SF3B1: variants seen among roughly 807,000 people sequenced by gnomAD.
SF3B1 encodes the protein pre-mRNA processing 10.
Under a neutral mutation model 153.8 loss-of-function variants are expected in SF3B1, and 12 were observed. That is an observed-to-expected ratio of 0.08 (90% confidence interval 0.05 to 0.13). The LOEUF (loss-of-function observed/expected upper bound fraction) is 0.13, where lower values mean the gene tolerates loss of function less well. SF3B1 is among the 10% of genes least tolerant of loss of function. The pLI, the probability that SF3B1 is intolerant of heterozygous loss-of-function variation, is 1.00. For missense variants in SF3B1, 513 were observed against 1,606.1 expected (o/e 0.32, Z 11.63); for synonymous variants, 498 against 525.2 (o/e 0.95, Z 0.71).
intron 1 of SF3B1, among the ~76,000 whole-genome samples, chr2:197,427,784 G>A (rs1264303009): frequency 6.6e-6 from 1 of 152,190 alleles, no homozygotes; most frequent in East Asian, 1.9e-4. Flanking sequence ...ACTTTGGGAG[G>A]CCGAGGCGGG....
At position 197,423,793 on chromosome 2, in the gene SF3B1, T is replaced by G; in HGVS notation, c.195+15A>C. On this transcript the variant is annotated intron_variant, in intron 2 of 24. Coordinates refer to ENST00000335508, the MANE Select transcript of SF3B1 (RefSeq NM_012433.4). ...CAAAAAAATAACTGCCTCTTGTACA[T>G]AATTTGTAACTTACATCTTCAAGTT... 1.9e-6 allele frequency: 3 copies of G among 1,611,234 alleles called. No homozygotes were observed. Among genetic ancestry groups the G allele is most frequent in the Non-Finnish European group, 2.5e-6 (3 of 1,179,018 alleles).
chr2:197,408,310 G>A (rs2085021204), intron 8 of SF3B1, 59 bp downstream of exon 8: 1 of 1,524,922 alleles, frequency 6.6e-7, no homozygotes, highest in East Asian at 2.3e-5. Flanking sequence ...ATACCACAAA[G>A]GAAAAAATTA....
chr2:197,430,923 A>C (rs80353059), intron 1 of SF3B1, among the ~76,000 whole-genome samples: 4,419 of 152,028 alleles, frequency 0.029, 100 homozygotes, highest in Middle Eastern at 0.054. Flanking sequence ...ACTTCCCAAA[A>C]TGCTGGGATT....
rs553985439 is a variant in SF3B1, at chr2:197,412,584, C to T, written c.667-2577G>A. 7.2e-4 allele frequency among the ~76,000 whole-genome samples: 110 copies of T among 151,744 alleles called. 1 individual carries two copies. In the South Asian group the frequency reaches 0.021, roughly 29 times the overall value. ...GTTGGCCAGGATGGTCTCAACCTCT[C>T]GACCTCAGGTGATCTGCCCGCTTGG... On this transcript the variant is annotated intron_variant, in intron 6 of 24. Coordinates refer to ENST00000335508, the MANE Select transcript of SF3B1 (RefSeq NM_012433.4).
Position 197,402,185 on chromosome 2 carries a change from A to G in SF3B1, c.2078-55T>C, listed in dbSNP as rs2084942507. 3 of 1,548,182 alleles carry G rather than the reference A, an allele frequency of 1.9e-6. No homozygotes were observed. The highest frequency in any genetic ancestry group is 2.6e-6 in the Non-Finnish European group (3 of 1,145,924). ...GCCCCAACATTACCTAAGTTACACA[A>G]TATCATCCAGATTCTCTCAATATAT... On this transcript the variant is annotated intron_variant, in intron 14 of 24. Coordinates refer to ENST00000335508, the MANE Select transcript of SF3B1 (RefSeq NM_012433.4). This position sits in a 1 kb window ranked among gnomAD's most constrained non-coding sequence, Gnocchi z 4.6.
chr2:197,420,343 A>C, intron 4 of SF3B1, 85 bp downstream of exon 4: 25 of 945,638 alleles, frequency 2.6e-5, no homozygotes, highest in Middle Eastern at 2.2e-4. Flanking sequence ...CAAATTCAGA[A>C]GCATGCCAAA....
chr2:197,401,595 C>G lies in SF3B1; in HGVS notation c.2371-70G>C. 1 of 1,498,072 alleles carries G rather than the reference C, an allele frequency of 6.7e-7. No individual in the cohort carries two copies. The highest frequency in any genetic ancestry group is 9.1e-7 in the Non-Finnish European group (1 of 1,095,400). The allele number at this position is 1,498,072 out of a possible 1,614,324, so 92.8% of individuals were successfully genotyped here. On this transcript the variant is annotated intron_variant, in intron 16 of 24. Transcript: ENST00000335508. The surrounding 1 kb of genome is among the most constrained non-coding windows in gnomAD (Gnocchi z 4.2). ...TGAAGAGAATACTCATTGCTGATTA[C>G]GTGATTTTAAAAAATAAAATTTAAA...
At chr2:197,398,932 TA>T (rs1215780499) in intron 20 of SF3B1, 5 of 644,212 alleles carry the variant, frequency 7.8e-6, no homozygotes, top group South Asian at 1.5e-5. Context: ...GGTAAACATG[TA>T]AATAAAGCAA....
intron 1 of SF3B1, among the ~76,000 whole-genome samples, chr2:197,428,992 G>T (rs1300335325): frequency 6.6e-6 from 1 of 151,962 alleles, no homozygotes; most frequent in Non-Finnish European, 1.5e-5. Flanking sequence ...GCGGGGGTTG[G>T]CAACTATGAA....
intron 4 of SF3B1, 169 bp downstream of exon 4, chr2:197,420,259 T>A (rs1329692351): frequency 2.0e-6 from 1 of 489,408 alleles, no homozygotes; most frequent in Non-Finnish European, 3.7e-6. Flanking sequence ...ATTATAAAGA[T>A]GAAGAATATG....
intron 2 of SF3B1, among the ~76,000 whole-genome samples, 153 bp downstream of exon 2, chr2:197,423,654 CT>C (rs962857805): frequency 1.3e-5 from 2 of 152,200 alleles, no homozygotes; most frequent in African/African-American, 4.8e-5. Flanking sequence ...AGTGAAGTTT[CT>C]GAACCTTAGA....
rs183607074 is a variant in SF3B1 at position 197,416,735 on chromosome 2, A to T, written c.666+6T>A. 2,972 of 1,599,372 alleles carry T rather than the reference A, an allele frequency of 1.9e-3. 77 individuals are homozygous for T. In the South Asian group the frequency reaches 0.028, roughly 15 times the overall value. On this transcript the variant is annotated splice_donor_region_variant and intron_variant, in intron 6 of 24. Coordinates refer to ENST00000335508, the MANE Select transcript of SF3B1 (RefSeq NM_012433.4). ...ACAGTAATAACAAAAAACAAAAAGAAATTACCTCTGCCTGATCCCAACTTG... is the reference window on the plus strand; with the variant it reads ...ACAGTAATAACAAAAAACAAAAAGATATTACCTCTGCCTGATCCCAACTTG...
intron 7 of SF3B1, among the ~76,000 whole-genome samples, chr2:197,409,094 C>CA (rs1046519550): frequency 6.6e-6 from 1 of 151,976 alleles, no homozygotes; most frequent in Non-Finnish European, 1.5e-5. Context: ...ATTGTCTCTA[C>CA]AAAAAATTTA....
At chr2:197,394,908 A>G (rs1457824352) in intron 23 of SF3B1, among the ~76,000 whole-genome samples, 1 of 152,202 alleles carries the variant, frequency 6.6e-6, no homozygotes, top group Non-Finnish European at 1.5e-5. Flanking sequence ...CCGTCCAAAA[A>G]AAAAAATGAG....
At chr2:197,396,892 C>G (rs1284066718) in intron 22 of SF3B1, among the ~76,000 whole-genome samples, 1 of 152,156 alleles carries the variant, frequency 6.6e-6, no homozygotes, top group Non-Finnish European at 1.5e-5. Flanking sequence ...ACTCCATCAC[C>G]ACTGAAATAA....
At chr2:197,435,034 T>C (rs1574566645), upstream of SF3B1, 1 of 1,614,012 alleles carries the variant, frequency 6.2e-7, no homozygotes, top group Admixed American at 1.7e-5. Flanking sequence ...GAACTGGCGC[T>C]CCCAAGAACT....
At chr2:197,409,679 C>A (rs376537134) in intron 7 of SF3B1, 91 bp downstream of exon 7, 2 of 983,658 alleles carry the variant, frequency 2.0e-6, no homozygotes, top group Admixed American at 1.9e-5. Context: ...GTTATTTATA[C>A]GTGTCCACCC....
At position 197,424,542 on chromosome 2, in the gene SF3B1, A is replaced by G. The variant is rs183976854; in HGVS notation, c.29-568T>C. ...CAAAATATCATCTAACAAACATATAACCTAGCTTAAAATGTCCCCAGTTGC... is the reference window on the plus strand; with the variant it reads ...CAAAATATCATCTAACAAACATATAGCCTAGCTTAAAATGTCCCCAGTTGC... On this transcript the variant is annotated intron_variant, in intron 1 of 24. Coordinates refer to ENST00000335508, the MANE Select transcript of SF3B1 (RefSeq NM_012433.4). Among the ~76,000 whole-genome samples the G allele has an allele frequency of 4.3e-4, 66 of 151,864 alleles. No homozygotes were observed. The East Asian group carries it at 0.011, about 24-fold the overall frequency.
At chr2:197,417,744 A>C (rs1372623237) in intron 5 of SF3B1, among the ~76,000 whole-genome samples, 3 of 151,964 alleles carry the variant, frequency 2.0e-5, no homozygotes, top group Admixed American at 6.6e-5. Flanking sequence ...GCAACAAAGG[A>C]AGACTCCACT....
Sources: gnomAD v4.1 joint callset for allele counts (sites outside exome capture counted in the v4.1 genomes callset) on GRCh38, gnomAD v4.1.1 for gene constraint, Gnocchi (gnomAD v3.1) non-coding constraint, MANE v1.5 for transcripts, NCBI Gene and HGNC (gene_info 2026-07-23, HGNC 2026-07-21) for gene names.